Variants in CTNND2 observed in about 807,000 individuals in gnomAD.
CTNND2 encodes the protein catenin delta-2.
In CTNND2, 22 loss-of-function variants were observed where a neutral mutation model predicts 144.4. The observed-to-expected ratio is 0.15, with a 90% confidence interval of 0.11 to 0.22. CTNND2 has a LOEUF of 0.22. CTNND2 is among the 10% of genes least tolerant of loss of function. The pLI, the probability that CTNND2 is intolerant of heterozygous loss-of-function variation, is 1.00. For missense variants in CTNND2, 1,353 were observed against 1,618.8 expected (o/e 0.84, Z 2.82); for synonymous variants, 751 against 695.6 (o/e 1.08, Z -1.25).
At chr5:11,639,105 G>C (rs1781860636) in intron 2 of CTNND2, among the ~76,000 whole-genome samples, 1 of 152,016 alleles carries the variant, frequency 6.6e-6, no homozygotes, top group Non-Finnish European at 1.5e-5. Context: ...ACAATATCTG[G>C]AGACATTTGA....
intron 3 of CTNND2, among the ~76,000 whole-genome samples, chr5:11,497,511 CGGGGGGGTG>C (rs1489427675): frequency 3.2e-4 from 2 of 6,246 alleles, no homozygotes; most frequent in African/African-American, 1.9e-3. Flanking sequence ...GAATGATGTG[CGGGGGGGTG>C]GGGGGGGGCA....
intron 12 of CTNND2, among the ~76,000 whole-genome samples, chr5:11,134,579 T>C (rs1755943194): frequency 6.6e-6 from 1 of 152,270 alleles, no homozygotes; most frequent in Admixed American, 6.5e-5. Flanking sequence ...ATGTTCATTT[T>C]AACATTTCTG....
At chr5:11,240,080 C>T (rs1470408777) in intron 9 of CTNND2, among the ~76,000 whole-genome samples, 2 of 151,822 alleles carry the variant, frequency 1.3e-5, no homozygotes, top group Non-Finnish European at 2.9e-5. Flanking sequence ...CTCAGAAGAG[C>T]AAGAGTCATT....
At chr5:11,513,794 T>C (rs1342839773) in intron 3 of CTNND2, among the ~76,000 whole-genome samples, 1 of 152,164 alleles carries the variant, frequency 6.6e-6, no homozygotes, top group Non-Finnish European at 1.5e-5. Flanking sequence ...CTATATAGTA[T>C]GTGTGGTCTA....
At chr5:11,287,730 A>C (rs1364016977) in intron 9 of CTNND2, among the ~76,000 whole-genome samples, 1 of 152,220 alleles carries the variant, frequency 6.6e-6, no homozygotes, top group African/African-American at 2.4e-5. Flanking sequence ...CAATTCTGAG[A>C]GCTGCATTTA....
chr5:11,000,364 C>G (rs1238855535), intron 18 of CTNND2, among the ~76,000 whole-genome samples: 1 of 152,050 alleles, frequency 6.6e-6, no homozygotes, highest in Non-Finnish European at 1.5e-5. Flanking sequence ...CTACTAAAAA[C>G]ACAAAAATTA....
chr5:11,196,807 T>C (rs1736901707), intron 11 of CTNND2, among the ~76,000 whole-genome samples: 1 of 152,248 alleles, frequency 6.6e-6, no homozygotes. Flanking sequence ...GGGGCACTGG[T>C]GTAGACATCT....
intron 2 of CTNND2, among the ~76,000 whole-genome samples, chr5:11,568,700 TA>T (rs1429594326): frequency 1.3e-5 from 2 of 152,148 alleles, no homozygotes; most frequent in Non-Finnish European, 2.9e-5. Context: ...GGAGGATACT[TA>T]AACTGTGGGG....
intron 1 of CTNND2, among the ~76,000 whole-genome samples, chr5:11,844,424 C>T (rs562656478): frequency 6.6e-5 from 10 of 151,992 alleles, no homozygotes; most frequent in African/African-American, 2.4e-4. Context: ...ACACTGCTTG[C>T]CGGATTTTGA....
chr5:11,215,807 A>G (rs1359441522), intron 10 of CTNND2, among the ~76,000 whole-genome samples: 2 of 152,356 alleles, frequency 1.3e-5, no homozygotes, highest in East Asian at 3.9e-4. Flanking sequence ...GGGAACTCTC[A>G]GAGATAATAT....
chr5:11,296,589 T>A (rs991332907), intron 9 of CTNND2, among the ~76,000 whole-genome samples: 129 of 152,230 alleles, frequency 8.5e-4, no homozygotes, highest in African/African-American at 3.0e-3. Context: ...AACCCAAATG[T>A]CCAACAATGA....
intron 16 of CTNND2, among the ~76,000 whole-genome samples, chr5:11,043,670 T>C (rs1465537846): frequency 6.6e-6 from 1 of 152,196 alleles, no homozygotes; most frequent in Non-Finnish European, 1.5e-5. Flanking sequence ...GACTTATTGT[T>C]ATATCTGAGC....
chr5:11,007,530 G>A (rs1241621738), intron 18 of CTNND2, among the ~76,000 whole-genome samples: 1 of 152,236 alleles, frequency 6.6e-6, no homozygotes, highest in Non-Finnish European at 1.5e-5. Flanking sequence ...TCCACATTCT[G>A]TGACCTCACT....
chr5:11,491,605 C>T (rs1216270080), intron 3 of CTNND2, among the ~76,000 whole-genome samples: 1 of 152,194 alleles, frequency 6.6e-6, no homozygotes, highest in African/African-American at 2.4e-5. Flanking sequence ...AAATGCAAAG[C>T]ATCTCATATG....
chr5:11,872,345 T>C (rs1171846355), intron 1 of CTNND2, among the ~76,000 whole-genome samples: 2 of 152,164 alleles, frequency 1.3e-5, no homozygotes, highest in African/African-American at 2.4e-5. Context: ...AATAAACACA[T>C]GTGTGCATGT....
intron 9 of CTNND2, among the ~76,000 whole-genome samples, chr5:11,299,738 A>C (rs763379912): frequency 1.3e-5 from 2 of 152,202 alleles, no homozygotes; most frequent in African/African-American, 2.4e-5. Context: ...AAGGATGCTG[A>C]GAACAAGTGC....
At chr5:11,471,891 T>C (rs888498079) in intron 3 of CTNND2, among the ~76,000 whole-genome samples, 1 of 152,232 alleles carries the variant, frequency 6.6e-6, no homozygotes, top group Non-Finnish European at 1.5e-5. Context: ...TTTTAAAATA[T>C]TACTATTGTT....
At chr5:11,245,122 G>A (rs1021876429) in intron 9 of CTNND2, among the ~76,000 whole-genome samples, 2 of 152,186 alleles carry the variant, frequency 1.3e-5, no homozygotes, top group Non-Finnish European at 2.9e-5. Context: ...CAACAGGAGA[G>A]AAATGAACAA....
At chr5:11,427,222 A>G (rs549346004) in intron 3 of CTNND2, among the ~76,000 whole-genome samples, 73 of 152,136 alleles carry the variant, frequency 4.8e-4, no homozygotes, top group African/African-American at 1.6e-3. Flanking sequence ...AGTGGAAGAA[A>G]GGAGAAAAGC....
Sources: gnomAD v4.1 joint callset for allele counts (sites outside exome capture counted in the v4.1 genomes callset) on GRCh38, gnomAD v4.1.1 for gene constraint, MANE v1.5 for transcripts, NCBI Gene and HGNC (gene_info 2026-07-23, HGNC 2026-07-21) for gene names.